Variants in SNX29 observed in about 807,000 individuals in gnomAD.
SNX29 encodes sorting nexin-29.
SNX29 carries 78 observed loss-of-function variants against 102.1 expected under a neutral mutation model. The observed-to-expected ratio is 0.76, with a 90% confidence interval of 0.64 to 0.92. The LOEUF is 0.92. Among genes scored for constraint, SNX29 ranks in the 40% least tolerant of loss-of-function variants. SNX29 has a pLI of 0.00. For missense variants in SNX29, 1,280 were observed against 1,061.7 expected, an observed-to-expected ratio of 1.21 and a Z score of -2.86; for synonymous variants, 580 against 414.5, an observed-to-expected ratio of 1.40 and a Z score of -4.85.
intron 14 of SNX29, among the ~76,000 whole-genome samples, chr16:12,272,424 T>G (rs2079117498): frequency 6.6e-6 from 1 of 152,226 alleles, no homozygotes; most frequent in Non-Finnish European, 1.5e-5. Flanking sequence ...GTTCGCCATT[T>G]TGCGTATGTA....
At chr16:12,533,596 G>C (rs1041825354) in intron 20 of SNX29, among the ~76,000 whole-genome samples, 2 of 152,160 alleles carry the variant, frequency 1.3e-5, no homozygotes, top group Admixed American at 1.3e-4. Context: ...TATTTGGAGG[G>C]AGGAGACACC....
In SNX29 at chr16:11,999,290, A is replaced by G. The variant is rs1473825080; in HGVS notation, c.8-7A>G. ...GAGAGAACTAATTAAGCCTCATTGC[A>G]TTTTAGGATCACAGAACAATGACAA... On this transcript the variant is annotated splice_polypyrimidine_tract_variant and splice_region_variant and intron_variant, in intron 1 of 20. Transcript: ENST00000566228. 2 of 1,614,032 alleles carry G rather than the reference A, an allele frequency of 1.2e-6. No homozygotes were observed. Among genetic ancestry groups the G allele is most frequent in the Admixed American group, 1.7e-5 (1 of 60,012 alleles).
intron 14 of SNX29, among the ~76,000 whole-genome samples, chr16:12,260,990 TG>T (rs2078731266): frequency 7.3e-6 from 1 of 136,638 alleles, no homozygotes; most frequent in African/African-American, 2.8e-5. Context: ...CCGGCTGGAG[TG>T]AGTGTTTGTT....
At position 12,422,016 on chromosome 16, in the gene SNX29, G is replaced by C. The variant is rs117750387; in HGVS notation, c.2037+18487G>C. ...TCATCAGCCATCCATCCCTTTCATC[G>C]TCAGCCATCCATAGCATCATCACCT... On this transcript the variant is annotated intron_variant, in intron 18 of 20. Coordinates refer to ENST00000566228, the MANE Select transcript of SNX29 (RefSeq NM_032167.5). 1.5e-3 allele frequency among the ~76,000 whole-genome samples: 229 copies of C among 152,022 alleles called. 7 individuals are homozygous for C. In the East Asian group the frequency reaches 0.041, roughly 27 times the overall value.
chr16:12,062,150 G>A (rs1291611202), intron 9 of SNX29, among the ~76,000 whole-genome samples: 2 of 152,038 alleles, frequency 1.3e-5, no homozygotes, highest in Admixed American at 6.6e-5. Flanking sequence ...AAGCCGAGGC[G>A]GGTGGATCAC....
At chr16:12,108,547 G>T (rs758656365) in intron 11 of SNX29, among the ~76,000 whole-genome samples, 3 of 152,130 alleles carry the variant, frequency 2.0e-5, no homozygotes, top group Non-Finnish European at 2.9e-5. Flanking sequence ...AGCTTGTTGG[G>T]TGACTACTAT....
intron 15 of SNX29, among the ~76,000 whole-genome samples, chr16:12,296,754 C>A (rs775065424): frequency 2.0e-5 from 3 of 152,158 alleles, no homozygotes; most frequent in Non-Finnish European, 2.9e-5. Context: ...ATGGGCCAGG[C>A]AATAGATACA....
intron 14 of SNX29, among the ~76,000 whole-genome samples, chr16:12,200,738 G>C (rs972924575): frequency 6.6e-6 from 1 of 152,128 alleles, no homozygotes; most frequent in African/African-American, 2.4e-5. Flanking sequence ...GTCCGCCTCG[G>C]CCTCCCAAAG....
At chr16:12,560,063 A>T (rs1318790304) in intron 20 of SNX29, among the ~76,000 whole-genome samples, 2 of 152,058 alleles carry the variant, frequency 1.3e-5, no homozygotes, top group Non-Finnish European at 2.9e-5. Context: ...CTAGAAAACT[A>T]TGTAACTACT....
At chr16:12,476,421 T>TAC (rs1555548014) in intron 18 of SNX29, among the ~76,000 whole-genome samples, 2 of 51,978 alleles carry the variant, frequency 3.8e-5, no homozygotes, top group African/African-American at 6.4e-5. Context: ...TACATATATA[T>TAC]ATATATATAT....
intron 11 of SNX29, among the ~76,000 whole-genome samples, chr16:12,115,485 TTGTG>T (rs3222983): frequency 0.024 from 3,349 of 141,902 alleles, 39 homozygotes; most frequent in African/African-American, 0.031. Context: ...CCACCTTGAT[TTGTG>T]TGTGTGTGTG....
chr16:12,499,503 G>A (rs970076867), intron 19 of SNX29, among the ~76,000 whole-genome samples: 10 of 152,144 alleles, frequency 6.6e-5, no homozygotes, highest in Non-Finnish European at 1.2e-4. Flanking sequence ...ACATAGCTCT[G>A]CACTGGTCAG....
chr16:12,442,240 G>T (rs1451932346), intron 18 of SNX29, among the ~76,000 whole-genome samples: 3 of 152,164 alleles, frequency 2.0e-5, no homozygotes, highest in South Asian at 2.1e-4. Flanking sequence ...AGATGAATGG[G>T]TTTGTTTCTG....
chr16:12,403,733 C>T (rs1372556574), intron 18 of SNX29, among the ~76,000 whole-genome samples: 1 of 152,140 alleles, frequency 6.6e-6, no homozygotes, highest in African/African-American at 2.4e-5. Flanking sequence ...TGGGCCTCTT[C>T]GTGCCAGTCA....
chr16:12,376,958 C>G (rs1017214662), intron 16 of SNX29, among the ~76,000 whole-genome samples: 9 of 151,982 alleles, frequency 5.9e-5, no homozygotes, highest in African/African-American at 2.2e-4. Flanking sequence ...TCTGTCTTGG[C>G]TGTTGGTTTC....
intron 16 of SNX29, among the ~76,000 whole-genome samples, chr16:12,387,710 C>G (rs375947761): frequency 3.9e-5 from 6 of 152,078 alleles, no homozygotes; most frequent in Admixed American, 1.3e-4. Context: ...TGTTGAGGCC[C>G]GAGTCTACTT....
chr16:12,417,868 A>T (rs16959555), intron 18 of SNX29, among the ~76,000 whole-genome samples: 84,978 of 151,504 alleles, frequency 0.56, 24,337 homozygotes, highest in Non-Finnish European at 0.62. Flanking sequence ...CCCTGGGAAG[A>T]GAAGCGCTGT....
At chr16:12,543,939 C>G (rs544444724) in intron 20 of SNX29, among the ~76,000 whole-genome samples, 9 of 152,296 alleles carry the variant, frequency 5.9e-5, no homozygotes, top group African/African-American at 2.2e-4. Context: ...CCCTCTCGTT[C>G]TAAGCGAGGA....
Position 12,398,465 on chromosome 16 carries a change from A to G in SNX29, c.1919A>G (p.Gln640Arg). Residue 640 changes from glutamine (Q) to arginine (R), a missense_variant, in exon 17 of 21, where the codon CAA becomes CGA. By Grantham distance (43) the Gln-to-Arg change is conservative. Transcript: ENST00000566228. ...LRGPVPGDLS[Q>R]TSEDQSLSDF... Reference sequence around the variant, plus strand: ...TGGTAGGTGCCTGGAGATTTGAGTCAAACGTCCGAAGACCAGAGTTTGTCG... The same window carrying G: ...TGGTAGGTGCCTGGAGATTTGAGTCGAACGTCCGAAGACCAGAGTTTGTCG... 1 of 1,614,018 alleles carries G rather than the reference A, an allele frequency of 6.2e-7. No homozygotes were observed.
Sources: allele counts gnomAD v4.1 joint callset (sites outside exome capture counted in the v4.1 genomes callset), GRCh38; gene constraint gnomAD v4.1.1; transcripts MANE v1.5; gene names NCBI Gene and HGNC (gene_info 2026-07-23, HGNC 2026-07-21).